Variants in INPP5D observed in about 807,000 individuals in gnomAD.
INPP5D encodes the protein inositol polyphosphate-5-phosphatase D.
A neutral mutation model predicts 122.9 loss-of-function variants in INPP5D; 33 were observed. That is an observed-to-expected ratio of 0.27 (90% confidence interval 0.20 to 0.36). The LOEUF (loss-of-function observed/expected upper bound fraction) is 0.36, where lower values mean the gene tolerates loss of function less well. Ranked by LOEUF, INPP5D falls within the 10% of genes least tolerant of loss-of-function variation. The pLI is 1.00. For synonymous variants in INPP5D, 584 were observed against 576.2 expected (o/e 1.01, Z -0.19); for missense variants, 1,053 against 1,412.7 (o/e 0.75, Z 4.08).
intron 14 of INPP5D, 29 bp from the exon 15 acceptor site, chr2:233,169,997 G>A (rs1454788902): frequency 6.2e-7 from 1 of 1,613,872 alleles, no homozygotes; most frequent in Non-Finnish European, 8.5e-7. Flanking sequence ...GTGACCCCGT[G>A]CTAGATGGCC....
intron 2 of INPP5D, among the ~76,000 whole-genome samples, chr2:233,092,884 TACAGCCA>T (rs1692030128): frequency 7.3e-6 from 1 of 136,294 alleles, no homozygotes. Flanking sequence ...CCAGCACCCC[TACAGCCA>T]TCTTCATTCC....
At chr2:233,180,576 G>A (rs1694758388) in intron 18 of INPP5D, among the ~76,000 whole-genome samples, 1 of 152,010 alleles carries the variant, frequency 6.6e-6, no homozygotes, top group Admixed American at 6.6e-5. Context: ...ATCTTGCTTT[G>A]TTATCCAGGC....
In INPP5D at chr2:233,164,890, C is replaced by T. The variant is rs1346604957; in HGVS notation, c.1555+466C>T. ...AAGCAGCCATAGGCAACCCAGAAAG[C>T]GAATGGGAGTGACTGTGTTACCAGT... On this transcript the variant is annotated intron_variant, in intron 13 of 26. Coordinates refer to ENST00000445964, the MANE Select transcript of INPP5D (RefSeq NM_001017915.3). This position sits in a 1 kb window ranked among gnomAD's most constrained non-coding sequence, Gnocchi z 4.3. 2.7e-5 allele frequency among the ~76,000 whole-genome samples: 4 copies of T among 147,980 alleles called. No homozygotes were observed. The highest frequency in any genetic ancestry group is 1.3e-4 in the Admixed American group (2 of 14,866).
rs577785135 is a variant in INPP5D, at chr2:233,100,236, C to T, written c.198+20838C>T. 7.2e-5 allele frequency among the ~76,000 whole-genome samples: 11 copies of T among 152,204 alleles called. No individual in the cohort carries two copies. The highest frequency in any genetic ancestry group is 1.3e-4 in the Non-Finnish European group (9 of 68,040). ...ACTCGCAGCCTGTTCCACTCATTTA[C>T]ATCACCCGCCTGACTGCTGTAGGCC... On this transcript the variant is annotated intron_variant, in intron 2 of 26. Coordinates refer to ENST00000445964, the MANE Select transcript of INPP5D (RefSeq NM_001017915.3). This position sits in a 1 kb window ranked among gnomAD's most constrained non-coding sequence, Gnocchi z 5.3.
intron 25 of INPP5D, among the ~76,000 whole-genome samples, chr2:233,200,571 G>T (rs1406872125): frequency 6.6e-6 from 1 of 152,214 alleles, no homozygotes; most frequent in Non-Finnish European, 1.5e-5. Flanking sequence ...GCTCCCTCCA[G>T]TTCCACCCTT....
chr2:233,079,241 T>C, intron 1 of INPP5D, 94 bp from the exon 2 acceptor site: 1 of 796,776 alleles, frequency 1.3e-6, no homozygotes, highest in Admixed American at 2.0e-5. Context: ...TGTGTCCAGA[T>C]TCCTCAAGCT....
chr2:233,161,946 C>T, intron 11 of INPP5D, 120 bp downstream of exon 11: 6 of 1,423,278 alleles, frequency 4.2e-6, no homozygotes. Flanking sequence ...GCCCCAGGGC[C>T]CTGCCCCTAA....
chr2:233,163,632 C>T, intron 11 of INPP5D, 75 bp from the exon 12 acceptor site: 1 of 1,603,390 alleles, frequency 6.2e-7, no homozygotes, highest in East Asian at 2.2e-5. Flanking sequence ...CACTCCCGCC[C>T]TCTGTTTTGA....
At position 233,206,563 on chromosome 2, in the gene INPP5D, T is replaced by G; in HGVS notation, c.3568-143T>G. 1.6e-6 allele frequency: 1 copy of G among 614,150 alleles called. No individual in the cohort carries two copies. Among genetic ancestry groups the G allele is most frequent in the Non-Finnish European group, 3.0e-6 (1 of 334,386 alleles). 38.0% of individuals were successfully genotyped at this position (614,150 alleles called of 1,614,324 possible). A position where few individuals can be genotyped will look rare whatever the true frequency, so the allele number is the denominator to read the frequency against. On this transcript the variant is annotated intron_variant, in intron 26 of 26. Transcript: ENST00000445964. This position sits in a 1 kb window ranked among gnomAD's most constrained non-coding sequence, Gnocchi z 4.0. ...TTTTTTAAATAAGCAGGTAAAGTACTTAGAGCAGTGAGTGCTGGCTCTTCT... is the reference window on the plus strand; with the variant it reads ...TTTTTTAAATAAGCAGGTAAAGTACGTAGAGCAGTGAGTGCTGGCTCTTCT...
chr2:233,123,929 A>G (rs956359822), intron 3 of INPP5D, among the ~76,000 whole-genome samples: 2 of 152,136 alleles, frequency 1.3e-5, no homozygotes, highest in African/African-American at 2.4e-5. Context: ...ACACATGGAC[A>G]CAAAGAGGGG....
At chr2:233,136,434 G>A (rs1434568440) in intron 5 of INPP5D, among the ~76,000 whole-genome samples, 1 of 151,414 alleles carries the variant, frequency 6.6e-6, no homozygotes, top group Non-Finnish European at 1.5e-5. Context: ...AGCCGAGATG[G>A]TGCCACTGTG....
intron 2 of INPP5D, among the ~76,000 whole-genome samples, chr2:233,121,275 G>A (rs1692966960): frequency 6.6e-6 from 1 of 151,148 alleles, no homozygotes; most frequent in African/African-American, 2.4e-5. Context: ...GAAATTACAG[G>A]TGCGCACCAC....
chr2:233,122,012 C>T, intron 2 of INPP5D, 95 bp from the exon 3 acceptor site: 1 of 1,438,272 alleles, frequency 7.0e-7, no homozygotes, highest in Non-Finnish European at 9.6e-7. Flanking sequence ...CAGTCACTCC[C>T]TCCGCCTCGC....
intron 2 of INPP5D, among the ~76,000 whole-genome samples, chr2:233,095,538 G>T (rs1305295634): frequency 6.7e-6 from 1 of 149,232 alleles, no homozygotes; most frequent in East Asian, 2.0e-4. Context: ...CAGGAGAATC[G>T]CCTGAACCTG....
At chr2:233,155,941 G>A (rs1441079616) in intron 9 of INPP5D, among the ~76,000 whole-genome samples, 1 of 152,128 alleles carries the variant, frequency 6.6e-6, no homozygotes, top group Non-Finnish European at 1.5e-5. Flanking sequence ...CCACCCCCAG[G>A]TTCTGTGATT....
intron 2 of INPP5D, among the ~76,000 whole-genome samples, chr2:233,114,624 G>C (rs1261988688): frequency 6.6e-6 from 1 of 152,188 alleles, no homozygotes; most frequent in Non-Finnish European, 1.5e-5. Flanking sequence ...GCCTGGGTCA[G>C]TGGGCTCCGA....
At chr2:233,192,717 TTTA>T (rs1179607684) in intron 22 of INPP5D, among the ~76,000 whole-genome samples, 5 of 152,238 alleles carry the variant, frequency 3.3e-5, no homozygotes, top group Admixed American at 2.0e-4. Context: ...GTGGACATTT[TTTA>T]TTATTCTTCA....
intron 5 of INPP5D, among the ~76,000 whole-genome samples, chr2:233,131,348 A>C (rs1338966834): frequency 6.6e-6 from 1 of 151,682 alleles, no homozygotes; most frequent in East Asian, 1.9e-4. Flanking sequence ...AAAAAACAAA[A>C]AAAATTCCAG....
intron 1 of INPP5D, among the ~76,000 whole-genome samples, chr2:233,069,888 G>A (rs4973065): frequency 0.28 from 42,246 of 151,996 alleles, 7,458 homozygotes; most frequent in African/African-American, 0.48. Context: ...TGTTTTTAAG[G>A]CTCTTGATAC....
Sources: allele counts gnomAD v4.1 joint callset (sites outside exome capture counted in the v4.1 genomes callset), GRCh38; gene constraint gnomAD v4.1.1; non-coding constraint Gnocchi (gnomAD v3.1); transcripts MANE v1.5; gene names NCBI Gene and HGNC (gene_info 2026-07-23, HGNC 2026-07-21).